The following THSD7B variants were observed in gnomAD, a reference collection of about 807,000 sequenced individuals.
The protein encoded by THSD7B is thrombospondin type 1 domain containing 7B, also known as thrombospondin type-1 domain-containing protein 7B.
In THSD7B, 138 loss-of-function variants were observed where a neutral mutation model predicts 213.6. That is an observed-to-expected ratio of 0.65 (90% CI 0.56 to 0.74). The LOEUF (loss-of-function observed/expected upper bound fraction) is 0.74, where lower values mean the gene tolerates loss of function less well. THSD7B is among the 30% of genes least tolerant of loss of function. The probability of loss-of-function intolerance (pLI) is 0.00; values close to 1 mark genes in which losing one functional copy is unlikely to be tolerated. For missense variants in THSD7B, 1,931 were observed against 1,991.5 expected (o/e 0.97, Z 0.58); for synonymous variants, 742 against 687.0 (o/e 1.08, Z -1.25).
intron 1 of THSD7B, among the ~76,000 whole-genome samples, chr2:136,825,397 G>T (rs1051525312): frequency 1.3e-5 from 2 of 152,160 alleles, no homozygotes; most frequent in African/African-American, 4.8e-5. Context: ...AGCTCTGAAA[G>T]CTGTACTGAT....
At chr2:137,385,538 C>T (rs1411474403) in intron 12 of THSD7B, among the ~76,000 whole-genome samples, 1 of 151,408 alleles carries the variant, frequency 6.6e-6, no homozygotes, top group Non-Finnish European at 1.5e-5. Flanking sequence ...GAGCCAGCTT[C>T]CAGGGTTTGC....
intron 17 of THSD7B, among the ~76,000 whole-genome samples, chr2:137,578,822 G>A (rs1257948216): frequency 2.0e-5 from 3 of 151,970 alleles, no homozygotes; most frequent in Non-Finnish European, 4.4e-5. Context: ...CTCTATTCTG[G>A]CTATATAGGT....
chr2:136,853,507 G>A (rs778205), intron 1 of THSD7B, among the ~76,000 whole-genome samples: 120,108 of 152,072 alleles, frequency 0.79, 47,720 homozygotes, highest in Middle Eastern at 0.94. Flanking sequence ...ATCTCAGGAG[G>A]CACACAATGC....
intron 7 of THSD7B, among the ~76,000 whole-genome samples, chr2:137,178,028 G>GC (rs1680390575): frequency 7.3e-6 from 1 of 137,674 alleles, no homozygotes; most frequent in East Asian, 2.1e-4. Flanking sequence ...CCAAGATTGC[G>GC]CCACTGTACT....
At chr2:137,518,631 A>G (rs1424390121) in intron 15 of THSD7B, among the ~76,000 whole-genome samples, 1 of 152,222 alleles carries the variant, frequency 6.6e-6, no homozygotes, top group Non-Finnish European at 1.5e-5. Flanking sequence ...TTAAATAATC[A>G]AGTGGATAGG....
chr2:136,857,336 G>C (rs996130733), intron 1 of THSD7B, among the ~76,000 whole-genome samples: 1 of 152,134 alleles, frequency 6.6e-6, no homozygotes, highest in African/African-American at 2.4e-5. Context: ...GAACCACTCT[G>C]ATCCCACTGG....
chr2:137,083,547 A>G (rs1477689251), intron 3 of THSD7B, among the ~76,000 whole-genome samples: 2 of 152,002 alleles, frequency 1.3e-5, no homozygotes, highest in East Asian at 3.9e-4. Flanking sequence ...AGTTGTTCTA[A>G]TTTTTTATAT....
At chr2:136,916,928 T>C (rs1017149274) in intron 2 of THSD7B, among the ~76,000 whole-genome samples, 8 of 152,226 alleles carry the variant, frequency 5.3e-5, no homozygotes, top group Non-Finnish European at 1.0e-4. Context: ...CTCTGGATCC[T>C]ATTTCTAAAA....
intron 1 of THSD7B, among the ~76,000 whole-genome samples, chr2:136,816,380 T>C (rs1682474305): frequency 1.3e-5 from 2 of 152,228 alleles, no homozygotes; most frequent in African/African-American, 4.8e-5. Flanking sequence ...AATATTCTGC[T>C]TCTTCAACCT....
chr2:137,232,836 C>T (rs115032651), intron 8 of THSD7B, 63 bp from the exon 9 acceptor site: 2 of 1,493,920 alleles, frequency 1.3e-6, no homozygotes, highest in Admixed American at 1.8e-5. Flanking sequence ...ATTAAAGCAG[C>T]AGAAACAACA....
chr2:137,268,614 T>C (rs1309326069), intron 10 of THSD7B, among the ~76,000 whole-genome samples: 2 of 152,132 alleles, frequency 1.3e-5, no homozygotes, highest in Admixed American at 1.3e-4. Flanking sequence ...CAGAGGTCAC[T>C]TTTGTGGCCA....
chr2:137,380,102 C>A (rs1685740499), intron 12 of THSD7B, among the ~76,000 whole-genome samples: 1 of 152,138 alleles, frequency 6.6e-6, no homozygotes, highest in African/African-American at 2.4e-5. Context: ...GCACGTGTGT[C>A]CATTGTAGAG....
chr2:136,778,427 C>A (rs1573634115), intron 1 of THSD7B, among the ~76,000 whole-genome samples: 1 of 152,100 alleles, frequency 6.6e-6, no homozygotes, highest in East Asian at 1.9e-4. Context: ...TCATGTTCAC[C>A]CAGTCATAGC....
At chr2:137,220,843 CAAAA>C (rs1681350810) in intron 7 of THSD7B, among the ~76,000 whole-genome samples, 1 of 152,044 alleles carries the variant, frequency 6.6e-6, no homozygotes, top group Non-Finnish European at 1.5e-5. Context: ...TATTCAGCAA[CAAAA>C]AAGAATGACT....
Position 136,882,273 on chromosome 2 carries a change from C to T in THSD7B, c.95C>T (p.Ala32Val). The T allele has an allele frequency of 6.5e-7, 1 of 1,544,450 alleles. No homozygotes were observed. The highest frequency in any genetic ancestry group is 8.7e-7 in the Non-Finnish European group (1 of 1,144,368). The change falls in exon 2 of 28, where the codon GCT becomes GTT. Residue 32 changes from alanine to valine, a missense_variant. Coordinates refer to ENST00000409968, the MANE Select transcript of THSD7B (RefSeq NM_001316349.2). ...CTTTCTCTCTTGCTGTCCCATGCAG[C>T]TCATTTGGAAGGCAAAAAGGATAAT... The part of the protein sequence containing the change: ...LLLSLLLSHA[A>V]HLEGKKDNQF...
At chr2:136,957,635 C>A (rs78978800) in intron 2 of THSD7B, among the ~76,000 whole-genome samples, 1 of 151,866 alleles carries the variant, frequency 6.6e-6, no homozygotes, top group African/African-American at 2.4e-5. Flanking sequence ...CTACATAATG[C>A]GATAGAAACA....
At chr2:136,951,292 T>C (rs566675754) in intron 2 of THSD7B, among the ~76,000 whole-genome samples, 1 of 152,366 alleles carries the variant, frequency 6.6e-6, no homozygotes, top group South Asian at 2.1e-4. Flanking sequence ...CTCATTTTCT[T>C]GTTATCTTCC....
chr2:137,144,931 A>G (rs1258854693), intron 5 of THSD7B, among the ~76,000 whole-genome samples: 1 of 152,102 alleles, frequency 6.6e-6, no homozygotes, highest in Non-Finnish European at 1.5e-5. Flanking sequence ...ATCTTGAAAA[A>G]GTGATATGAT....
intron 14 of THSD7B, among the ~76,000 whole-genome samples, chr2:137,416,646 G>C (rs1235831358): frequency 6.6e-6 from 1 of 152,202 alleles, no homozygotes; most frequent in Non-Finnish European, 1.5e-5. Context: ...TTAGATAAGA[G>C]TCAACACACA....
Sources: gnomAD v4.1 joint callset for allele counts (sites outside exome capture counted in the v4.1 genomes callset) on GRCh38, gnomAD v4.1.1 for gene constraint, MANE v1.5 for transcripts, NCBI Gene and HGNC (gene_info 2026-07-23, HGNC 2026-07-21) for gene names.